The following ANKRD30BL variants were observed in gnomAD, a reference collection of about 807,000 sequenced individuals.
ANKRD30BL encodes ankyrin repeat domain 30B like.
Under a neutral mutation model 18.4 loss-of-function variants are expected in ANKRD30BL, and 20 were observed. The observed-to-expected ratio is 1.09, with a 90% CI of 0.77 to 1.58. The LOEUF (loss-of-function observed/expected upper bound fraction) is 1.58, where lower values mean the gene tolerates loss of function less well. ANKRD30BL is among the 40% of genes most tolerant of loss of function. The pLI is 0.00. For missense variants in ANKRD30BL, 224 were observed against 268.6 expected (o/e 0.83, Z 1.16); for synonymous variants, 72 against 100.9 (o/e 0.71, Z 1.72).
intron 1 of ANKRD30BL, among the ~76,000 whole-genome samples, chr2:132,221,222 GC>G (rs1376497277): frequency 7.5e-6 from 1 of 133,410 alleles, no homozygotes; most frequent in Non-Finnish European, 1.6e-5. Flanking sequence ...CCGGCCAGCC[GC>G]CCCGTCCGGG....
At chr2:132,229,801 A>T (rs1400798956) in intron 1 of ANKRD30BL, among the ~76,000 whole-genome samples, 3 of 152,142 alleles carry the variant, frequency 2.0e-5, no homozygotes. Flanking sequence ...CTTCACATAA[A>T]AACTAGACAG....
intron 1 of ANKRD30BL, among the ~76,000 whole-genome samples, chr2:132,240,499 A>T (rs182360706): frequency 6.6e-6 from 1 of 151,890 alleles, no homozygotes; most frequent in African/African-American, 2.4e-5. Context: ...CTTCCCATAA[A>T]AACTAGACAG....
chr2:132,156,504 G>A (rs963687241), intron 3 of ANKRD30BL: 1 of 152,252 alleles, frequency 6.6e-6, no homozygotes, highest in Non-Finnish European at 1.5e-5. Flanking sequence ...GGTGGGCACA[G>A]TAGCAAACTG....
chr2:132,232,921 A>G (rs1219109833), intron 1 of ANKRD30BL, among the ~76,000 whole-genome samples: 1 of 152,154 alleles, frequency 6.6e-6, no homozygotes, highest in Non-Finnish European at 1.5e-5. Context: ...AAAAATGTTA[A>G]GGGCAGCCAG....
chr2:132,202,536 C>A (rs935423580), intron 1 of ANKRD30BL, among the ~76,000 whole-genome samples: 1 of 151,434 alleles, frequency 6.6e-6, no homozygotes, highest in African/African-American at 2.4e-5. Context: ...GAATCCAATT[C>A]AAATTTCACT....
intron 1 of ANKRD30BL, among the ~76,000 whole-genome samples, chr2:132,184,818 CTT>C (rs976214345): frequency 3.5e-5 from 5 of 142,498 alleles, no homozygotes; most frequent in Admixed American, 7.1e-5. Context: ...CTTCAAAATT[CTT>C]TTTTTTTTTT....
At chr2:132,197,961 A>G (rs1371194275) in intron 1 of ANKRD30BL, among the ~76,000 whole-genome samples, 2 of 151,988 alleles carry the variant, frequency 1.3e-5, no homozygotes, top group African/African-American at 2.4e-5. Context: ...AAGAAATACC[A>G]TTGTGTATTT....
intron 1 of ANKRD30BL, among the ~76,000 whole-genome samples, chr2:132,202,302 A>G (rs1288843950): frequency 6.6e-6 from 1 of 152,136 alleles, no homozygotes; most frequent in Non-Finnish European, 1.5e-5. Flanking sequence ...AATAAACATA[A>G]AAAAGTACAT....
chr2:132,162,304 C>T (rs993942483), upstream of ANKRD30BL, among the ~76,000 whole-genome samples: 3 of 152,212 alleles, frequency 2.0e-5, no homozygotes, highest in Non-Finnish European at 4.4e-5. Context: ...CGGCTGGTGG[C>T]GCTGGCAGGG....
chr2:132,150,612 A>G (rs1573795486), intron 5 of ANKRD30BL, among the ~76,000 whole-genome samples: 2 of 151,952 alleles, frequency 1.3e-5, no homozygotes, highest in East Asian at 1.9e-4. Context: ...AGATAAACTT[A>G]AAAATTGTTT....
rs558200389 is a variant in ANKRD30BL at position 132,198,191 on chromosome 2, A to G, written n.442-41045T>C. ...ATTGTTTTGCAATTGTATAGTTTTT[A>G]TTATTTTCATTTTTCTTGTTGAAGA... is the stretch of plus-strand genomic sequence containing the variant. On this transcript the variant is annotated intron_variant and non_coding_transcript_variant, in intron 1 of 4. Coordinates refer to the ANKRD30BL transcript ENST00000470729. Among the ~76,000 whole-genome samples, 11 of 148,062 alleles carry G rather than the reference A, an allele frequency of 7.4e-5. No individual in the cohort carries two copies. In the East Asian group the frequency reaches 2.0e-3, roughly 27 times the overall value.
intron 1 of ANKRD30BL, among the ~76,000 whole-genome samples, chr2:132,168,520 G>A (rs1688225010): frequency 6.6e-6 from 1 of 152,134 alleles, no homozygotes; most frequent in Non-Finnish European, 1.5e-5. Context: ...CAAATATACT[G>A]CATAATCTTA....
At chr2:132,175,385 G>A (rs1359117516) in intron 1 of ANKRD30BL, among the ~76,000 whole-genome samples, 2 of 152,214 alleles carry the variant, frequency 1.3e-5, no homozygotes, top group Non-Finnish European at 2.9e-5. Context: ...CATCTCAGTG[G>A]AGTAAAGAAC....
chr2:132,209,152 G>A (rs62164415), intron 1 of ANKRD30BL, among the ~76,000 whole-genome samples: 2 of 138,946 alleles, frequency 1.4e-5, no homozygotes, highest in South Asian at 2.4e-4. Flanking sequence ...GAGTGCTTTG[G>A]GGCCTATGGT....
chr2:132,249,762 A>C (rs1680602062), intron 1 of ANKRD30BL, among the ~76,000 whole-genome samples: 1 of 152,162 alleles, frequency 6.6e-6, no homozygotes, highest in South Asian at 2.1e-4. Flanking sequence ...AGATGAATGC[A>C]CACACAACCA....
rs185810814 is a variant in ANKRD30BL, at chr2:132,170,506, G to T, written n.442-13360C>A. ...TGCAAGCTGGTCGGAGGTTCTGCTGGGGAGCCCTTTTTACTTGCTGTCTCA... is the reference window on the plus strand; with the variant it reads ...TGCAAGCTGGTCGGAGGTTCTGCTGTGGAGCCCTTTTTACTTGCTGTCTCA... On this transcript the variant is annotated intron_variant and non_coding_transcript_variant, in intron 1 of 4. Transcript: ENST00000470729. Among the ~76,000 whole-genome samples, 18 of 152,290 alleles carry T rather than the reference G, an allele frequency of 1.2e-4. 1 individual carries two copies. Among genetic ancestry groups the T allele is most frequent in the Admixed American group, 1.0e-3 (16 of 15,302 alleles).
intron 1 of ANKRD30BL, among the ~76,000 whole-genome samples, chr2:132,224,395 C>G (rs1407205620): frequency 1.3e-5 from 2 of 151,376 alleles, no homozygotes; most frequent in Non-Finnish European, 2.9e-5. Flanking sequence ...TTTCATAGAG[C>G]CTTTTGAAAC....
chr2:132,165,822 T>G (rs1173598396), upstream of ANKRD30BL, among the ~76,000 whole-genome samples: 1 of 151,708 alleles, frequency 6.6e-6, no homozygotes, highest in African/African-American at 2.4e-5. Context: ...ATTGCCCATC[T>G]GTCTTCCAAA....
At chr2:132,152,282 G>C (rs2104918382) in intron 4 of ANKRD30BL, 1 of 152,298 alleles carries the variant, frequency 6.6e-6, no homozygotes, top group African/African-American at 2.4e-5. Context: ...TGTCATCTTT[G>C]TGCGGGGACC....
Sources: allele counts gnomAD v4.1 joint callset (sites outside exome capture counted in the v4.1 genomes callset), GRCh38; gene constraint gnomAD v4.1.1; transcripts MANE v1.5; gene names NCBI Gene and HGNC (gene_info 2026-07-23, HGNC 2026-07-21).